PLRG1: variants seen among roughly 807,000 people sequenced by gnomAD.
PLRG1 encodes the protein pleiotropic regulator 1 (PRL1 homolog, Arabidopsis).
Under a neutral mutation model 74.9 loss-of-function variants are expected in PLRG1, and 28 were observed. The observed-to-expected ratio is 0.37, with a 90% CI of 0.28 to 0.51. PLRG1 has a LOEUF of 0.51. PLRG1 is among the 20% of genes least tolerant of loss of function. The pLI, the probability that PLRG1 is intolerant of heterozygous loss-of-function variation, is 0.91. For synonymous variants in PLRG1, 197 were observed against 212.4 expected (o/e 0.93, Z 0.63); for missense variants, 445 against 631.9 (o/e 0.70, Z 3.17).
At position 154,540,942 on chromosome 4, in the gene PLRG1, C is replaced by A. The variant is rs1729545386; in HGVS notation, c.688-8G>T. 1.3e-6 allele frequency: 2 copies of A among 1,572,674 alleles called. No homozygotes were observed. Among genetic ancestry groups the A allele is most frequent in the Non-Finnish European group, 1.7e-6 (2 of 1,163,792 alleles). On this transcript the variant is annotated splice_polypyrimidine_tract_variant and splice_region_variant and intron_variant, in intron 8 of 14. Coordinates refer to ENST00000499023, the MANE Select transcript of PLRG1 (RefSeq NM_002669.4). ...ACTAGCCAAGTCCCAGATCTGCAATCAAAGAATATTTATTTTTTTCTTTCA... is the reference window on the plus strand; with the variant it reads ...ACTAGCCAAGTCCCAGATCTGCAATAAAAGAATATTTATTTTTTTCTTTCA...
intron 13 of PLRG1, 33 bp downstream of exon 13, chr4:154,537,936 C>T: frequency 8.0e-7 from 1 of 1,245,192 alleles, no homozygotes; most frequent in Admixed American, 2.3e-5. Flanking sequence ...AAATAACAGA[C>T]TAAACATATT....
At chr4:154,549,887 GT>G in intron 1 of PLRG1, 1 of 414,358 alleles carries the variant, frequency 2.4e-6, no homozygotes, top group Non-Finnish European at 4.7e-6. Context: ...AGAACGGCAA[GT>G]TTTTCTGGGG....
In PLRG1 at chr4:154,547,824, C is replaced by A. The variant is rs1391894726; in HGVS notation, c.146G>T (p.Arg49Leu). 1.9e-6 allele frequency: 3 copies of A among 1,609,138 alleles called. No homozygotes were observed. Among genetic ancestry groups the A allele is most frequent in the Middle Eastern group, 1.7e-4 (1 of 6,040 alleles). ...SHKRKMAIKL[R>L]NEYGPVLHMP... ...ATGCAACACAGGACCATACTCATTA[C>A]GAAGCTTGATTGCCATTTTTCGTTT... The change falls in exon 3 of 15, where the codon CGT (arginine) becomes CTT (leucine). Residue 49 changes from arginine (R) to leucine (L), a missense_variant. Around this residue, in one of 3 missense-constraint regions of PLRG1, gnomAD observed 206 missense variants for 210.8 expected, o/e 0.98. Coordinates refer to ENST00000499023, the MANE Select transcript of PLRG1 (RefSeq NM_002669.4).
chr4:154,540,887 A>G lies in PLRG1; in HGVS notation c.735T>C (p.His245=), dbSNP rs766357537. ...CTATCACGCCCCGCACAGTACTAATATGCCCAGTCAATGACAGTTTTAATT... is the reference window on the plus strand; with the variant it reads ...CTATCACGCCCCGCACAGTACTAATGTGCCCAGTCAATGACAGTTTTAATT... ...SGKLKLSLTG[H]ISTVRGVIVS... is the part of the protein sequence containing the mutation. Residue 245 remains histidine, a synonymous_variant, in exon 9 of 15, where the codon CAT becomes CAC. Transcript: ENST00000499023. 1 of 1,612,346 alleles carries G rather than the reference A, an allele frequency of 6.2e-7. No individual in the cohort carries two copies. Among genetic ancestry groups the G allele is most frequent in the South Asian group, 1.1e-5 (1 of 90,740 alleles).
Position 154,537,987 on chromosome 4 carries a change from C to T in PLRG1, c.1273G>A (p.Gly425Arg). The change falls in exon 13 of 15, where the codon GGA becomes AGA. Residue 425 changes from glycine (G) to arginine (R), a missense_variant. Gly to Arg is a moderately radical substitution (Grantham distance 125). Around this residue, in one of 3 missense-constraint regions of PLRG1, gnomAD observed 221 missense variants for 377.7 expected, o/e 0.59. Transcript: ENST00000499023. ...ATTTTACCTCCAGATACAAGCACTC[C>T]ATCAGAATTTACCGTCAATGTGTTA... is the stretch of plus-strand genomic sequence containing the variant. Reference protein sequence around the residue: ...IINTLTVNSDGVLVSGADNGT... With the variant: ...IINTLTVNSDRVLVSGADNGT... 1.3e-6 allele frequency: 2 copies of T among 1,511,990 alleles called. No individual in the cohort carries two copies. The highest frequency in any genetic ancestry group is 1.4e-5 in the South Asian group (1 of 73,980). 93.7% of individuals were successfully genotyped at this position (1,511,990 alleles called of 1,614,324 possible).
chr4:154,543,728 T>C (rs1729597185), intron 7 of PLRG1, among the ~76,000 whole-genome samples: 1 of 152,198 alleles, frequency 6.6e-6, no homozygotes, highest in African/African-American at 2.4e-5. Context: ...ATTAGAGCTG[T>C]ATGTCAAACA....
Position 154,540,060 on chromosome 4 carries a change from A to G in PLRG1, c.940-7T>C. On this transcript the variant is annotated splice_polypyrimidine_tract_variant and splice_region_variant and intron_variant, in intron 10 of 14. Coordinates refer to ENST00000499023, the MANE Select transcript of PLRG1 (RefSeq NM_002669.4). ...TAGTTCTCACATCCCAAATCTATAAAAACACAATAGACATATTAGGAAAGA... is the reference window on the plus strand; with the variant it reads ...TAGTTCTCACATCCCAAATCTATAAGAACACAATAGACATATTAGGAAAGA... 7.2e-7 allele frequency: 1 copy of G among 1,380,692 alleles called. No homozygotes were observed. The highest frequency in any genetic ancestry group is 1.0e-6 in the Non-Finnish European group (1 of 967,138). 85.5% of individuals were successfully genotyped at this position (1,380,692 alleles called of 1,614,324 possible). A position where few individuals can be genotyped will look rare whatever the true frequency, so the allele number is the denominator to read the frequency against.
At chr4:154,549,775 G>A in intron 1 of PLRG1, 1 of 456,588 alleles carries the variant, frequency 2.2e-6, no homozygotes, top group South Asian at 1.5e-5. Flanking sequence ...AAGGTGGACT[G>A]CAGCGGATAT....
chr4:154,543,531 A>C (rs1282813855), intron 7 of PLRG1, among the ~76,000 whole-genome samples: 1 of 152,236 alleles, frequency 6.6e-6, no homozygotes, highest in Non-Finnish European at 1.5e-5. Flanking sequence ...AATTAAAAAT[A>C]AATTAGAACT....
chr4:154,537,264 G>T, intron 14 of PLRG1, 22 bp downstream of exon 14: 1 of 1,536,492 alleles, frequency 6.5e-7, no homozygotes, highest in South Asian at 1.2e-5. Context: ...TTTACTTAAC[G>T]AATGTGAAAC....
In PLRG1 at chr4:154,536,006, C is replaced by T. The variant is rs1729441520; in HGVS notation, c.*679G>A. On this transcript the variant is annotated 3_prime_UTR_variant, in exon 15 of 15. Coordinates refer to ENST00000499023, the MANE Select transcript of PLRG1 (RefSeq NM_002669.4). ...TCTTTTCCTTCTTTGTCTTCCTTCA[C>T]TTCAAGGTAATCTCCAATGCCACTT... 6.6e-6 allele frequency: 1 copy of T among 152,318 alleles called. No individual in the cohort carries two copies. The highest frequency in any genetic ancestry group is 2.4e-5 in the African/African-American group (1 of 41,430). 9.4% of individuals were successfully genotyped at this position (152,318 alleles called of 1,614,324 possible). A position where few individuals can be genotyped will look rare whatever the true frequency, so the allele number is the denominator to read the frequency against.
intron 4 of PLRG1, chr4:154,546,577 T>A (rs1729660045): frequency 6.9e-6 from 2 of 291,110 alleles, no homozygotes; most frequent in African/African-American, 4.4e-5. Flanking sequence ...AACACCCAAT[T>A]TCCCTGTACT....
intron 4 of PLRG1, chr4:154,546,420 G>A (rs530293973): frequency 1.8e-6 from 1 of 549,508 alleles, no homozygotes; most frequent in African/African-American, 1.9e-5. Context: ...AATTTGATTT[G>A]ATCACAGCCC....
In PLRG1 at chr4:154,544,489, T is replaced by A; in HGVS notation, c.550A>T (p.Thr184Ser). 1 of 1,613,032 alleles carries A rather than the reference T, an allele frequency of 6.2e-7. No individual in the cohort carries two copies. Among genetic ancestry groups the A allele is most frequent in the Non-Finnish European group, 8.5e-7 (1 of 1,179,032 alleles). ...NSALMAKKAP[T>S]MPKPQWHPPW... ...GGGTGCCACTGGGGTTTTGGCATTG[T>A]AGGGGCTTTTTTAGCCATCAGTGCA... The change falls in exon 7 of 15, where the codon ACA becomes TCA. Residue 184 changes from threonine to serine, a missense_variant. Physicochemically the swap from Thr to Ser is moderately conservative, Grantham distance 58. Around this residue, in one of 3 missense-constraint regions of PLRG1, gnomAD observed 206 missense variants for 210.8 expected, o/e 0.98. Transcript: ENST00000499023.
intron 5 of PLRG1, 52 bp downstream of exon 5, chr4:154,546,071 T>C (rs1412788916): frequency 2.5e-6 from 3 of 1,217,692 alleles, no homozygotes. Flanking sequence ...AAAGAAAAAA[T>C]GTGAACAGTG....
intron 3 of PLRG1, among the ~76,000 whole-genome samples, chr4:154,547,331 G>C (rs1729676629): frequency 6.6e-6 from 1 of 152,016 alleles, no homozygotes; most frequent in Non-Finnish European, 1.5e-5. Context: ...CCAAGCAAAT[G>C]GTTTCCTGTG....
intron 7 of PLRG1, 21 bp from the exon 8 acceptor site, chr4:154,542,300 T>C (rs1729568619): frequency 5.4e-6 from 8 of 1,475,816 alleles, no homozygotes; most frequent in South Asian, 4.5e-5. Context: ...CAAAGTAGAA[T>C]GGGCAGGCCA....
rs1488125551 is a variant in PLRG1, at chr4:154,546,136, G to A, written c.391C>T (p.Pro131Ser). 2 of 1,585,432 alleles carry A rather than the reference G, an allele frequency of 1.3e-6. No homozygotes were observed. Among genetic ancestry groups the A allele is most frequent in the East Asian group, 2.2e-5 (1 of 44,706 alleles). The part of the protein sequence containing the change: ...SAAQSLAVAL[P>S]LQTKADANRT... ...AATATTTCATACTTGGTCTGCAAAG[G>A]TAATGCCACCGCTAAGGACTGTGCA... Residue 131 changes from proline to serine, a missense_variant, in exon 5 of 15, where the codon CCT becomes TCT. Coordinates refer to ENST00000499023, the MANE Select transcript of PLRG1 (RefSeq NM_002669.4).
rs754218778 is a variant in PLRG1, at chr4:154,538,002, T to C, written c.1258A>G (p.Thr420Ala). 2 of 1,540,230 alleles carry C rather than the reference T, an allele frequency of 1.3e-6. No homozygotes were observed. The highest frequency in any genetic ancestry group is 3.6e-5 in the Admixed American group (2 of 56,238). The stretch of plus-strand genomic sequence containing the variant: ...ACAAGCACTCCATCAGAATTTACCG[T>C]CAATGTGTTAATAATAGCATTATGA... ...SGHNAIINTL[T>A]VNSDGVLVSG... is the part of the protein sequence containing the mutation. The change falls in exon 13 of 15, where the codon ACG becomes GCG. Residue 420 changes from threonine to alanine, a missense_variant. Transcript: ENST00000499023.
Sources: gnomAD v4.1 joint callset for allele counts (sites outside exome capture counted in the v4.1 genomes callset) on GRCh38, gnomAD v4.1.1 for gene constraint, gnomAD v4.1.1 regional missense constraint, MANE v1.5 for transcripts, NCBI Gene and HGNC (gene_info 2026-07-23, HGNC 2026-07-21) for gene names.